The following PTPN3 variants were observed in gnomAD, a reference collection of about 807,000 sequenced individuals.
The protein encoded by PTPN3 is protein tyrosine phosphatase non-receptor type 3.
A neutral mutation model predicts 132.7 loss-of-function variants in PTPN3; 96 were observed. The ratio of observed to expected loss-of-function variants is 0.72; its 90% CI spans 0.61 to 0.86. The LOEUF is 0.86. Among genes scored for constraint, PTPN3 ranks in the 40% least tolerant of loss-of-function variants. The probability of loss-of-function intolerance (pLI) is 0.00; values close to 1 mark genes in which losing one functional copy is unlikely to be tolerated. For missense variants in PTPN3, 1,125 were observed against 1,159.6 expected, an observed-to-expected ratio of 0.97 and a Z score of 0.43; for synonymous variants, 398 against 429.0, an observed-to-expected ratio of 0.93 and a Z score of 0.89.
chr9:109,449,622 C>A, intron 5 of PTPN3: 2 of 985,410 alleles, frequency 2.0e-6, no homozygotes, highest in Non-Finnish European at 2.4e-6. Flanking sequence ...CCTGGGGAGA[C>A]TTCTATTTAG....
In PTPN3 at chr9:109,433,122, C is replaced by T. The variant is rs1352896334; in HGVS notation, c.715G>A (p.Ala239Thr). The T allele has an allele frequency of 6.2e-6, 10 of 1,613,996 alleles. No individual in the cohort carries two copies. Among genetic ancestry groups the T allele is most frequent in the African/African-American group, 2.7e-5 (2 of 74,922 alleles). ...NLDLMIGIAS[A>T]GVAVYRKYIC... ...TATTTTCGGTACACAGCAACACCCG[C>T]GGAAGCAATTCCAATCATTAGGTCT... The change falls in exon 10 of 26, where the codon GCG becomes ACG. Residue 239 changes from alanine to threonine, a missense_variant. Ala to Thr is a moderately conservative substitution (Grantham distance 58). Transcript: ENST00000374541.
chr9:109,456,047 G>A (rs1254543065), intron 4 of PTPN3, among the ~76,000 whole-genome samples: 1 of 152,154 alleles, frequency 6.6e-6, no homozygotes, highest in Non-Finnish European at 1.5e-5. Context: ...TGCAGCTCAT[G>A]GGAGGGAAGA....
the PTPN3 span, chr9:109,533,506 C>T: frequency 1.9e-6 from 3 of 1,596,688 alleles, no homozygotes; most frequent in Non-Finnish European, 2.6e-6. Context: ...GTTGAGGTGG[C>T]TGCTGACCTT....
chr9:109,381,294 C>G (rs141148767), intron 25 of PTPN3, among the ~76,000 whole-genome samples: 2 of 152,144 alleles, frequency 1.3e-5, no homozygotes, highest in African/African-American at 4.8e-5. Flanking sequence ...AGGCACCACA[C>G]GGGTGGAACA....
chr9:109,480,042 T>C (rs1399405977), intron 1 of PTPN3, among the ~76,000 whole-genome samples: 1 of 152,240 alleles, frequency 6.6e-6, no homozygotes, highest in East Asian at 1.9e-4. Context: ...TGGTGTCTCA[T>C]TGTGGCTTTA....
Position 109,463,445 on chromosome 9 carries a change from G to A in PTPN3, c.-11C>T. The A allele has an allele frequency of 6.2e-7, 1 of 1,604,252 alleles. No homozygotes were observed. Among genetic ancestry groups the A allele is most frequent in the Non-Finnish European group, 8.5e-7 (1 of 1,177,086 alleles). On this transcript the variant is annotated 5_prime_UTR_variant, in exon 2 of 26. It introduces an in-frame stop codon into an upstream open reading frame of the 5' UTR. Transcript: ENST00000374541. ...TAACCGGGAGGTCATAACTATCGCTGAATAACCTGTAACATAAAATATACC... is the reference window on the plus strand; with the variant it reads ...TAACCGGGAGGTCATAACTATCGCTAAATAACCTGTAACATAAAATATACC...
chr9:109,520,041 C>T, the PTPN3 span, among the ~76,000 whole-genome samples: 5 of 152,068 alleles, frequency 3.3e-5, no homozygotes, highest in South Asian at 4.2e-4. Context: ...TGCCTGTAGT[C>T]GCAGCTACTC....
chr9:109,389,218 A>T lies in PTPN3; in HGVS notation c.2253+15T>A. 1.2e-6 allele frequency: 2 copies of T among 1,613,670 alleles called. No individual in the cohort carries two copies. Among genetic ancestry groups the T allele is most frequent in the Admixed American group, 3.3e-5 (2 of 59,990 alleles). The stretch of plus-strand genomic sequence containing the variant: ...TGACACTGCACACATCTGAATTAGA[A>T]ATCAAGCTACTTACCCGCCCTCGTT... On this transcript the variant is annotated intron_variant, in intron 22 of 25. Transcript: ENST00000374541.
In PTPN3 at chr9:109,389,455, T is replaced by G. The variant is rs184181483; in HGVS notation, c.2107-76A>C. 86 of 1,418,426 alleles carry G rather than the reference T, an allele frequency of 6.1e-5. No homozygotes were observed. The African/African-American group carries it at 1.1e-3, about 19-fold the overall frequency. The allele number at this position is 1,418,426 out of a possible 1,614,324, so 87.9% of individuals were successfully genotyped here. On this transcript the variant is annotated intron_variant, in intron 21 of 25. Coordinates refer to ENST00000374541, the MANE Select transcript of PTPN3 (RefSeq NM_002829.4). ...CAGGGAACTGGATTTTAAACTATTCTACTTGCTAATTGATATTGCACCAGA... is the reference window on the plus strand; with the variant it reads ...CAGGGAACTGGATTTTAAACTATTCGACTTGCTAATTGATATTGCACCAGA...
chr9:109,406,081 C>T (rs890801577), intron 18 of PTPN3, among the ~76,000 whole-genome samples: 5 of 152,174 alleles, frequency 3.3e-5, no homozygotes, highest in East Asian at 3.8e-4. Flanking sequence ...AAATCAAACA[C>T]GCACGAATAA....
chr9:109,391,243 T>C, intron 20 of PTPN3, 44 bp from the exon 21 acceptor site: 1 of 1,565,202 alleles, frequency 6.4e-7, no homozygotes, highest in Non-Finnish European at 8.8e-7. Context: ...GAGCATTATT[T>C]TTATCATACC....
intron 7 of PTPN3, among the ~76,000 whole-genome samples, chr9:109,439,614 G>C (rs564913228): frequency 8.5e-5 from 13 of 152,206 alleles, no homozygotes; most frequent in Non-Finnish European, 1.5e-4. Context: ...CCATGAAGTT[G>C]AAAGGGCAAT....
the PTPN3 span, among the ~76,000 whole-genome samples, chr9:109,523,356 C>T: frequency 8.5e-5 from 13 of 152,096 alleles, no homozygotes; most frequent in African/African-American, 3.1e-4. Context: ...CCTTGTGGTC[C>T]GCCTGCCTTG....
At chr9:109,413,618 A>G (rs1015203248) in intron 14 of PTPN3, among the ~76,000 whole-genome samples, 82 of 152,218 alleles carry the variant, frequency 5.4e-4, no homozygotes, top group African/African-American at 1.9e-3. Context: ...GATGGTGAGG[A>G]TGGGATGGAG....
At chr9:109,536,172 C>T in the PTPN3 span, among the ~76,000 whole-genome samples, 5 of 152,214 alleles carry the variant, frequency 3.3e-5, no homozygotes, top group African/African-American at 9.6e-5. Context: ...CAAGGTTCAT[C>T]CACATGGTCA....
intron 19 of PTPN3, chr9:109,393,052 T>C (rs1029477410): frequency 6.6e-6 from 1 of 152,346 alleles, no homozygotes; most frequent in Non-Finnish European, 1.5e-5. Flanking sequence ...AGTCCTGCAA[T>C]GCATAATGCA....
At chr9:109,509,692 T>C in the PTPN3 span, among the ~76,000 whole-genome samples, 1 of 152,226 alleles carries the variant, frequency 6.6e-6, no homozygotes, top group Non-Finnish European at 1.5e-5. Context: ...ATTTTAAAAA[T>C]GTGCATAATA....
rs76416062 is a variant in PTPN3, at chr9:109,391,179, A to G, written c.2065T>C (p.Leu689=). 349 of 1,613,588 alleles carry G rather than the reference A, an allele frequency of 2.2e-4. No individual in the cohort carries two copies. Among genetic ancestry groups the G allele is most frequent in the Non-Finnish European group, 2.8e-4 (329 of 1,179,692 alleles). ...VLPYDTTRVL[L]QGNEDYINAS... Reference sequence around the variant, plus strand: ...TTAATATAATCTTCATTTCCCTGCAATAATACCCGGGTGGTGTCATCTGCG... The same window carrying G: ...TTAATATAATCTTCATTTCCCTGCAGTAATACCCGGGTGGTGTCATCTGCG... The change falls in exon 21 of 26, where the codon TTG becomes CTG. Residue 689 remains leucine (L), a synonymous_variant. Coordinates refer to ENST00000374541, the MANE Select transcript of PTPN3 (RefSeq NM_002829.4).
chr9:109,439,427 G>A (rs1160762348), intron 7 of PTPN3, among the ~76,000 whole-genome samples: 1 of 152,014 alleles, frequency 6.6e-6, no homozygotes, highest in Non-Finnish European at 1.5e-5. Context: ...ATTTCTTCCT[G>A]TAGCTCGCTG....
Sources: allele counts gnomAD v4.1 joint callset (sites outside exome capture counted in the v4.1 genomes callset), GRCh38; gene constraint gnomAD v4.1.1; transcripts MANE v1.5; gene names NCBI Gene and HGNC (gene_info 2026-07-23, HGNC 2026-07-21).